Variants in NPIPB11 observed in about 807,000 individuals in gnomAD.
The protein encoded by NPIPB11 is nuclear pore complex-interacting protein family member B11.
NPIPB11 carries 17 observed loss-of-function variants against 32.8 expected under a neutral mutation model. The observed-to-expected ratio is 0.52, with a 90% CI of 0.35 to 0.78. The LOEUF (loss-of-function observed/expected upper bound fraction) is 0.78. NPIPB11 is among the 30% of genes least tolerant of loss of function. NPIPB11 has a pLI of 0.01. For missense variants in NPIPB11, 537 were observed against 1,000.4 expected, an observed-to-expected ratio of 0.54 and a Z score of 6.25; for synonymous variants, 209 against 398.4, an observed-to-expected ratio of 0.52 and a Z score of 5.66.
chr16:29,405,331 C>A (rs1265446710), upstream of NPIPB11, among the ~76,000 whole-genome samples: 1 of 151,788 alleles, frequency 6.6e-6, no homozygotes, highest in African/African-American at 2.4e-5. Flanking sequence ...ACTTGTTGAA[C>A]AAATATTATT....
At chr16:29,406,645 C>T (rs1964119296), upstream of NPIPB11, among the ~76,000 whole-genome samples, 1 of 151,492 alleles carries the variant, frequency 6.6e-6, no homozygotes, top group South Asian at 2.1e-4. Context: ...ACCCAGGAGG[C>T]GGAGGTTGCA....
At chr16:29,396,983 A>G (rs1457300961) in intron 2 of NPIPB11, among the ~76,000 whole-genome samples, 2 of 151,702 alleles carry the variant, frequency 1.3e-5, no homozygotes, top group Non-Finnish European at 2.9e-5. Context: ...CCCCGTCTCT[A>G]CTAAAAACAC....
chr16:29,390,673 A>T lies in NPIPB11; in HGVS notation c.250-325T>A, dbSNP rs561921108. Among the ~76,000 whole-genome samples, 25 of 115,122 alleles carry T rather than the reference A, an allele frequency of 2.2e-4. 1 individual carries two copies. The highest frequency in any genetic ancestry group is 7.6e-4 in the African/African-American group (25 of 32,818). 75.5% of individuals were successfully genotyped at this position (115,122 alleles called of 152,430 possible). On this transcript the variant is annotated intron_variant, in intron 3 of 7. Coordinates refer to ENST00000524087, the Ensembl canonical transcript of NPIPB11. ...TCACATACACACACACACACACAAGAATGACATGAGGCTGGCACAGTGGCT... is the reference window on the plus strand; with the variant it reads ...TCACATACACACACACACACACAAGTATGACATGAGGCTGGCACAGTGGCT...
chr16:29,398,884 C>T (rs541843909), intron 2 of NPIPB11, among the ~76,000 whole-genome samples: 7 of 151,992 alleles, frequency 4.6e-5, no homozygotes, highest in South Asian at 2.1e-4. Context: ...CATCCGAAAC[C>T]GAGTGATGAT....
intron 2 of NPIPB11, among the ~76,000 whole-genome samples, chr16:29,400,032 G>A (rs531040876): frequency 4.6e-5 from 7 of 152,014 alleles, no homozygotes; most frequent in South Asian, 4.2e-4. Flanking sequence ...AGCCGAGATC[G>A]TGCCATTCCA....
At chr16:29,393,796 A>G (rs1311125717) in intron 3 of NPIPB11, among the ~76,000 whole-genome samples, 152 bp downstream of exon 3, 1 of 152,164 alleles carries the variant, frequency 6.6e-6, no homozygotes, top group Non-Finnish European at 1.5e-5. Flanking sequence ...AATGGCAGAT[A>G]TTTTCATAAT....
exon 8 of NPIPB11, chr16:29,383,247 T>C: frequency 6.4e-7 from 1 of 1,559,912 alleles, no homozygotes; most frequent in Non-Finnish European, 8.7e-7. Flanking sequence ...GAGCTGACGC[T>C]CGGAAGGTGT....
intron 5 of NPIPB11, among the ~76,000 whole-genome samples, chr16:29,386,564 ACACTTTCCTAAGGATGACAACAACT>A (rs1179083110): frequency 8.5e-6 from 1 of 116,980 alleles, no homozygotes; most frequent in Non-Finnish European, 1.9e-5. Context: ...CTACAACAAC[ACACTTTCCTAAGGATGACAACAACT>A]CACCCCACCC....
At chr16:29,384,109 G>C in exon 8 of NPIPB11, 1 of 1,216,602 alleles carries the variant, frequency 8.2e-7, no homozygotes, top group South Asian at 1.4e-5. Flanking sequence ...GCTGAGGGTG[G>C]AAGGGGAGTG....
intron 2 of NPIPB11, among the ~76,000 whole-genome samples, chr16:29,402,882 A>G (rs376286358): frequency 0.54 from 54,447 of 101,230 alleles, 14,911 homozygotes; most frequent in African/African-American, 0.72. Flanking sequence ...TTTGTAGACT[A>G]AACAGAGCAT....
chr16:29,397,238 TTTG>T (rs1963878585), intron 2 of NPIPB11, among the ~76,000 whole-genome samples: 1 of 132,154 alleles, frequency 7.6e-6, no homozygotes, highest in Admixed American at 8.3e-5. Flanking sequence ...TTTGGTCCAC[TTTG>T]TTTGTTAGAG....
intron 5 of NPIPB11, among the ~76,000 whole-genome samples, chr16:29,386,440 A>ATCT (rs1285170025): frequency 2.4e-5 from 1 of 42,392 alleles, no homozygotes; most frequent in Non-Finnish European, 5.1e-5. Context: ...TTCATTGAGC[A>ATCT]TCTTTTATCA....
At chr16:29,391,349 T>C (rs1298610893) in intron 3 of NPIPB11, among the ~76,000 whole-genome samples, 42 of 148,162 alleles carry the variant, frequency 2.8e-4, no homozygotes, top group Admixed American at 9.5e-4. Flanking sequence ...ATTATCATCT[T>C]ATAAGTATTT....
chr16:29,389,854 T>A, intron 5 of NPIPB11, 87 bp downstream of exon 5: 1 of 1,567,238 alleles, frequency 6.4e-7, no homozygotes, highest in Non-Finnish European at 8.6e-7. Context: ...ACAAATATTG[T>A]AGAAAATATT....
intron 2 of NPIPB11, among the ~76,000 whole-genome samples, chr16:29,399,386 C>T (rs1963935563): frequency 6.7e-6 from 1 of 149,060 alleles, no homozygotes; most frequent in Non-Finnish European, 1.5e-5. Flanking sequence ...AGAAAAACAA[C>T]CCTAAGAAAC....
At chr16:29,389,892 G>C (rs775248782) in intron 5 of NPIPB11, 49 bp downstream of exon 5, 3 of 1,566,970 alleles carry the variant, frequency 1.9e-6, no homozygotes, top group Non-Finnish European at 1.7e-6. Flanking sequence ...TGTCTACTTT[G>C]ATTGGCACAT....
intron 2 of NPIPB11, among the ~76,000 whole-genome samples, chr16:29,394,659 T>G (rs138736717): frequency 0.51 from 77,329 of 151,454 alleles, 20,182 homozygotes; most frequent in Middle Eastern, 0.65. Context: ...GGCCTTGAAC[T>G]CCTGACAGGC....
intron 5 of NPIPB11, among the ~76,000 whole-genome samples, chr16:29,389,668 GAAAAAAAAAA>G (rs1160526743): frequency 1.5e-3 from 26 of 17,280 alleles, no homozygotes; most frequent in Admixed American, 2.3e-3. Context: ...TCCATCTCAG[GAAAAAAAAAA>G]AAAAAAAAAA....
At chr16:29,399,816 C>G (rs572196125) in intron 2 of NPIPB11, among the ~76,000 whole-genome samples, 50 of 152,046 alleles carry the variant, frequency 3.3e-4, no homozygotes, top group African/African-American at 1.2e-3. Flanking sequence ...TGGTGGCTCA[C>G]GCCTGTAATC....
Sources: gnomAD v4.1 joint callset for allele counts (sites outside exome capture counted in the v4.1 genomes callset) on GRCh38, gnomAD v4.1.1 for gene constraint, MANE v1.5 for transcripts, NCBI Gene and HGNC (gene_info 2026-07-23, HGNC 2026-07-21) for gene names.